The following MYRIP variants were observed in gnomAD, a reference collection of about 807,000 sequenced individuals.
MYRIP encodes the protein myosin VIIA and Rab interacting protein.
Under a neutral mutation model 98.0 loss-of-function variants are expected in MYRIP, and 49 were observed. That is an observed-to-expected ratio of 0.50 (90% CI 0.40 to 0.63). MYRIP has a LOEUF of 0.63. Ranked by LOEUF, MYRIP falls within the 30% of genes least tolerant of loss-of-function variation. The pLI is 0.00. For missense variants in MYRIP, 1,004 were observed against 1,058.2 expected (o/e 0.95, Z 0.71); for synonymous variants, 404 against 409.5 (o/e 0.99, Z 0.16).
intron 1 of MYRIP, among the ~76,000 whole-genome samples, chr3:39,883,754 T>C (rs750483735): frequency 1.3e-5 from 2 of 152,024 alleles, no homozygotes; most frequent in Non-Finnish European, 2.9e-5. Context: ...AAGAATTTCT[T>C]ATCTAGGTCA....
intron 1 of MYRIP, among the ~76,000 whole-genome samples, chr3:39,889,708 C>A (rs1433822056): frequency 6.6e-6 from 1 of 151,940 alleles, no homozygotes; most frequent in Non-Finnish European, 1.5e-5. Flanking sequence ...ATTTTTTCCT[C>A]ATTTGACTTT....
At chr3:40,257,042 T>G (rs1953616133) in intron 16 of MYRIP, among the ~76,000 whole-genome samples, 1 of 152,180 alleles carries the variant, frequency 6.6e-6, no homozygotes. Context: ...TAAATTACAG[T>G]AGGCCAAGCA....
chr3:40,099,853 A>G (rs908147219), intron 3 of MYRIP, among the ~76,000 whole-genome samples: 3 of 152,204 alleles, frequency 2.0e-5, no homozygotes, highest in Non-Finnish European at 4.4e-5. Context: ...GTAAAAATTC[A>G]TGTAACATTT....
chr3:40,209,642 G>A (rs1187231554), intron 10 of MYRIP, among the ~76,000 whole-genome samples: 1 of 151,666 alleles, frequency 6.6e-6, no homozygotes, highest in Non-Finnish European at 1.5e-5. Flanking sequence ...ACACTTTTTT[G>A]AGTAAAGAGG....
intron 3 of MYRIP, among the ~76,000 whole-genome samples, chr3:40,095,557 C>T (rs759760601): frequency 5.9e-5 from 9 of 152,104 alleles, no homozygotes; most frequent in Non-Finnish European, 1.2e-4. Flanking sequence ...GAGAATTTCC[C>T]GAAGCCCCTA....
chr3:39,876,544 CAA>C (rs1038618315), intron 1 of MYRIP, among the ~76,000 whole-genome samples: 3 of 151,926 alleles, frequency 2.0e-5, no homozygotes, highest in Non-Finnish European at 2.9e-5. Context: ...CTGGTGGTGA[CAA>C]AATCTCTCAG....
intron 3 of MYRIP, among the ~76,000 whole-genome samples, chr3:40,099,140 G>A (rs199591055): frequency 3.7e-4 from 57 of 152,278 alleles, no homozygotes; most frequent in African/African-American, 1.3e-3. Flanking sequence ...CCCTGCCTAT[G>A]TAGAAGGGAG....
chr3:39,871,948 G>A (rs1484873848), intron 1 of MYRIP, among the ~76,000 whole-genome samples: 3 of 151,932 alleles, frequency 2.0e-5, no homozygotes, highest in African/African-American at 7.2e-5. Flanking sequence ...CAGTACAGTT[G>A]TATATCTTGA....
intron 2 of MYRIP, among the ~76,000 whole-genome samples, chr3:39,920,540 T>C (rs192964061): frequency 3.9e-5 from 6 of 152,234 alleles, no homozygotes; most frequent in Non-Finnish European, 8.8e-5. Context: ...GGTTTTTTCA[T>C]ACATTTTCTG....
At chr3:39,914,025 A>C (rs7626687) in intron 2 of MYRIP, among the ~76,000 whole-genome samples, 74,245 of 151,992 alleles carry the variant, frequency 0.49, 19,200 homozygotes, top group African/African-American at 0.67. Context: ...CTGCCTCTAC[A>C]TTCAGATGAG....
At chr3:40,189,551 C>G (rs921141500) in intron 9 of MYRIP, among the ~76,000 whole-genome samples, 1 of 152,192 alleles carries the variant, frequency 6.6e-6, no homozygotes, top group Non-Finnish European at 1.5e-5. Context: ...GCTGAGGAGA[C>G]TGAGATGGTA....
intron 1 of MYRIP, among the ~76,000 whole-genome samples, chr3:39,886,073 A>G (rs1943294751): frequency 6.6e-6 from 1 of 152,092 alleles, no homozygotes; most frequent in Non-Finnish European, 1.5e-5. Context: ...CCAGAATTTC[A>G]TATCCAGCCA....
At chr3:40,026,325 A>G (rs1165434729) in intron 2 of MYRIP, among the ~76,000 whole-genome samples, 3 of 152,086 alleles carry the variant, frequency 2.0e-5, no homozygotes, top group Non-Finnish European at 2.9e-5. Flanking sequence ...CTTGTTCCCT[A>G]AAATCGCTGT....
chr3:40,239,400 C>T (rs1169267830), intron 12 of MYRIP, among the ~76,000 whole-genome samples: 34 of 149,126 alleles, frequency 2.3e-4, no homozygotes, highest in Admixed American at 4.0e-4. Context: ...CAGCATGATT[C>T]ATAATCCTTT....
At chr3:40,073,194 C>T (rs1349126825) in intron 3 of MYRIP, among the ~76,000 whole-genome samples, 1 of 152,034 alleles carries the variant, frequency 6.6e-6, no homozygotes, top group East Asian at 1.9e-4. Context: ...CCTAATGTTA[C>T]CAGAAGTATG....
Position 39,830,497 on chromosome 3 carries a change from G to A in MYRIP, c.-31+20581G>A, listed in dbSNP as rs117703317. Among the ~76,000 whole-genome samples, 16 of 151,978 alleles carry A rather than the reference G, an allele frequency of 1.1e-4. No individual in the cohort carries two copies. The East Asian group carries it at 2.5e-3, about 24-fold the overall frequency. On this transcript the variant is annotated intron_variant, in intron 1 of 16. Transcript: ENST00000302541. ...CATTCTCACTCTTACACATTGTCCC[G>A]GTTTCCTCTCTCACTGAGAAAACCA...
At chr3:40,210,272 T>C (rs1951889637) in intron 11 of MYRIP, among the ~76,000 whole-genome samples, 179 bp downstream of exon 11, 1 of 152,152 alleles carries the variant, frequency 6.6e-6, no homozygotes, top group Non-Finnish European at 1.5e-5. Flanking sequence ...GGGGGTACAA[T>C]CAGGAAAACA....
chr3:40,201,370 T>C (rs1441148983), intron 10 of MYRIP, among the ~76,000 whole-genome samples: 1 of 152,180 alleles, frequency 6.6e-6, no homozygotes, highest in Non-Finnish European at 1.5e-5. Flanking sequence ...GAGGTTTTGG[T>C]TCCTAGAGTG....
intron 3 of MYRIP, among the ~76,000 whole-genome samples, chr3:40,094,242 A>G (rs1948781905): frequency 6.6e-6 from 1 of 152,208 alleles, no homozygotes; most frequent in African/African-American, 2.4e-5. Flanking sequence ...CTCAAGAAAT[A>G]AGTCTTAATA....
Sources: allele counts gnomAD v4.1 joint callset (sites outside exome capture counted in the v4.1 genomes callset), GRCh38; gene constraint gnomAD v4.1.1; transcripts MANE v1.5; gene names NCBI Gene and HGNC (gene_info 2026-07-23, HGNC 2026-07-21).